The following AVEN variants were observed in gnomAD, a reference collection of about 807,000 sequenced individuals.
AVEN encodes apoptosis and caspase activation inhibitor, also known as cell death regulator Aven.
Under a neutral mutation model 38.1 loss-of-function variants are expected in AVEN, and 41 were observed. That is an observed-to-expected ratio of 1.08 (90% confidence interval 0.84 to 1.40). The LOEUF is 1.40. Ranked by LOEUF, AVEN falls within the 40% of genes most tolerant of loss-of-function variation. The pLI, the probability that AVEN is intolerant of heterozygous loss-of-function variation, is 0.00. For missense variants in AVEN, 605 were observed against 438.8 expected (o/e 1.38, Z -3.38); for synonymous variants, 206 against 171.8 (o/e 1.20, Z -1.56).
chr15:33,917,013 G>A (rs1042723131), intron 2 of AVEN, among the ~76,000 whole-genome samples: 1 of 152,086 alleles, frequency 6.6e-6, no homozygotes, highest in African/African-American at 2.4e-5. Context: ...AGAACAGCAT[G>A]TGGGTAACTG....
chr15:34,018,981 T>C (rs1898086699), intron 1 of AVEN, among the ~76,000 whole-genome samples: 1 of 152,112 alleles, frequency 6.6e-6, no homozygotes, highest in South Asian at 2.1e-4. Context: ...GGTGTGTTTT[T>C]ACAGAGTGCT....
At chr15:34,053,160 CATG>C (rs1454838116) in intron 5 of AVEN, among the ~76,000 whole-genome samples, 1 of 151,146 alleles carries the variant, frequency 6.6e-6, no homozygotes, top group Non-Finnish European at 1.5e-5. Flanking sequence ...ATTATCCAGA[CATG>C]GTGGTGGGTG....
intron 2 of AVEN, among the ~76,000 whole-genome samples, chr15:33,906,013 T>C (rs181342482): frequency 5.0e-4 from 76 of 152,278 alleles, no homozygotes; most frequent in Admixed American, 1.8e-3. Context: ...TTGCTGTCCA[T>C]ATAGCCATGA....
At chr15:33,865,902 G>GT (rs199644646), downstream of AVEN, 5,176 of 152,714 alleles carry the variant, frequency 0.034, 139 homozygotes, top group Non-Finnish European at 0.052. Context: ...ATTCATACAA[G>GT]TTTTTTTAGT....
intron 2 of AVEN, among the ~76,000 whole-genome samples, chr15:33,963,431 G>T (rs1391090112): frequency 2.0e-5 from 3 of 152,180 alleles, no homozygotes; most frequent in African/African-American, 7.2e-5. Context: ...ACAGGCAGTG[G>T]CTGGCTTTTG....
At chr15:34,055,127 G>A (rs1448064955) in intron 5 of AVEN, among the ~76,000 whole-genome samples, 5 of 150,686 alleles carry the variant, frequency 3.3e-5, no homozygotes, top group African/African-American at 1.2e-4. Context: ...GGGAGGCGGC[G>A]ATTGCGGTGA....
chr15:33,873,195 G>A (rs1891069665), intron 3 of AVEN, among the ~76,000 whole-genome samples: 2 of 143,366 alleles, frequency 1.4e-5, no homozygotes, highest in African/African-American at 5.2e-5. Flanking sequence ...CGCCTTCTTG[G>A]TTCAAGCGAT....
chr15:33,872,965 G>A (rs72716835), intron 3 of AVEN, among the ~76,000 whole-genome samples: 3,570 of 152,026 alleles, frequency 0.023, 70 homozygotes, highest in Non-Finnish European at 0.036. Flanking sequence ...AGCAACGAAC[G>A]CCAAGTCCAA....
At chr15:33,936,896 C>T (rs1220082825) in intron 2 of AVEN, among the ~76,000 whole-genome samples, 3 of 152,108 alleles carry the variant, frequency 2.0e-5, no homozygotes, top group Non-Finnish European at 2.9e-5. Flanking sequence ...CTTTGGGAGG[C>T]CGAGGCGGGC....
chr15:33,971,604 T>C (rs1319142372), intron 2 of AVEN, among the ~76,000 whole-genome samples: 2 of 152,046 alleles, frequency 1.3e-5, no homozygotes, highest in African/African-American at 2.4e-5. Context: ...CTAAAATTCA[T>C]TTTTCTGTGT....
chr15:33,866,567 G>T lies in AVEN; in HGVS notation c.*46C>A. On this transcript the variant is annotated 3_prime_UTR_variant, in exon 6 of 6. Transcript: ENST00000306730. Reference sequence around the variant, plus strand: ...AAGGACAGCCTTATGCCCACCTGCCGTTAGAAGGCAACCAAGATTTGCTTC... The same window carrying T: ...AAGGACAGCCTTATGCCCACCTGCCTTTAGAAGGCAACCAAGATTTGCTTC... The T allele has an allele frequency of 6.8e-7, 1 of 1,479,612 alleles. No individual in the cohort carries two copies. The highest frequency in any genetic ancestry group is 9.4e-7 in the Non-Finnish European group (1 of 1,060,188). 91.7% of individuals were successfully genotyped at this position (1,479,612 alleles called of 1,614,324 possible). A position where few individuals can be genotyped will look rare whatever the true frequency, so the allele number is the denominator to read the frequency against.
chr15:33,865,986 T>G (rs1465438098), downstream of AVEN: 1 of 152,828 alleles, frequency 6.5e-6, no homozygotes, highest in East Asian at 1.9e-4. Flanking sequence ...ATCTCAACCT[T>G]ATGCCAAAAT....
intron 2 of AVEN, among the ~76,000 whole-genome samples, chr15:33,967,639 A>C (rs1178764659): frequency 6.6e-6 from 1 of 151,952 alleles, no homozygotes; most frequent in Non-Finnish European, 1.5e-5. Context: ...TATTGTCTAG[A>C]TACACTCATA....
At chr15:34,051,411 C>T (rs1899920618) in intron 5 of AVEN, among the ~76,000 whole-genome samples, 1 of 152,030 alleles carries the variant, frequency 6.6e-6, no homozygotes, top group Non-Finnish European at 1.5e-5. Flanking sequence ...AGTTAAAAAC[C>T]TAACATCACA....
At chr15:33,862,421 G>A (rs1888623485), downstream of AVEN, among the ~76,000 whole-genome samples, 2 of 151,726 alleles carry the variant, frequency 1.3e-5, no homozygotes, top group Admixed American at 6.6e-5. Context: ...TGCCCAGGCT[G>A]ATCTCGAACT....
At chr15:33,944,162 C>T (rs986473312) in intron 2 of AVEN, among the ~76,000 whole-genome samples, 1 of 152,226 alleles carries the variant, frequency 6.6e-6, no homozygotes, top group Non-Finnish European at 1.5e-5. Flanking sequence ...AAGACCCACA[C>T]GAGTCTGAAT....
chr15:33,859,814 A>C, intron 11 of AVEN: 1 of 1,378,628 alleles, frequency 7.3e-7, no homozygotes, highest in African/African-American at 1.4e-5. Context: ...TAATTGGTTT[A>C]TGAAGAAGCG....
At chr15:33,923,714 G>C (rs939738387) in intron 2 of AVEN, among the ~76,000 whole-genome samples, 1 of 151,996 alleles carries the variant, frequency 6.6e-6, no homozygotes, top group Non-Finnish European at 1.5e-5. Context: ...ACCCCTAGGG[G>C]TTAGGAACCA....
chr15:33,876,783 T>C (rs986552321), intron 2 of AVEN, among the ~76,000 whole-genome samples: 1 of 152,120 alleles, frequency 6.6e-6, no homozygotes, highest in African/African-American at 2.4e-5. Context: ...TAAATATCAA[T>C]GTAACACTAA....
Sources: allele counts gnomAD v4.1 joint callset (sites outside exome capture counted in the v4.1 genomes callset), GRCh38; gene constraint gnomAD v4.1.1; transcripts MANE v1.5; gene names NCBI Gene and HGNC (gene_info 2026-07-23, HGNC 2026-07-21).